The following CD86 variants were observed in gnomAD, a reference collection of about 807,000 sequenced individuals.
The protein encoded by CD86 is T-lymphocyte activation antigen CD86.
In CD86, 11 loss-of-function variants were observed where a neutral mutation model predicts 32.1. The observed-to-expected ratio is 0.34, with a 90% confidence interval of 0.22 to 0.57. The LOEUF is 0.57. CD86 is among the 20% of genes least tolerant of loss of function. The pLI is 0.86. For missense variants in CD86, 359 were observed against 398.4 expected (o/e 0.90, Z 0.84); for synonymous variants, 137 against 135.3 (o/e 1.01, Z -0.09).
intron 2 of CD86, among the ~76,000 whole-genome samples, chr3:122,101,507 AAAAAAAATATATATATATAT>A (rs1392231556): frequency 2.5e-5 from 2 of 79,790 alleles, no homozygotes; most frequent in Admixed American, 1.4e-4. Flanking sequence ...AAAAAAAAAA[AAAAAAAATATATATATATAT>A]ATATATATAT....
At chr3:122,113,483 T>C (rs1335142423) in intron 5 of CD86, among the ~76,000 whole-genome samples, 1 of 152,232 alleles carries the variant, frequency 6.6e-6, no homozygotes, top group African/African-American at 2.4e-5. Context: ...AGTGTAAACA[T>C]GTTCCCTTTT....
At chr3:122,086,106 A>T (rs1484512807) in intron 1 of CD86, among the ~76,000 whole-genome samples, 1 of 152,150 alleles carries the variant, frequency 6.6e-6, no homozygotes, top group East Asian at 1.9e-4. Context: ...TCTTCTCTTT[A>T]GTGCCAGGTG....
At chr3:122,105,421 T>C (rs2073075842) in intron 3 of CD86, among the ~76,000 whole-genome samples, 1 of 152,164 alleles carries the variant, frequency 6.6e-6, no homozygotes, top group African/African-American at 2.4e-5. Flanking sequence ...AATTATAAAT[T>C]AGTTTGTAGA....
intron 1 of CD86, among the ~76,000 whole-genome samples, chr3:122,083,345 G>A (rs1478835843): frequency 6.6e-6 from 1 of 152,110 alleles, no homozygotes; most frequent in Non-Finnish European, 1.5e-5. Flanking sequence ...CTTCAGCCTT[G>A]TCTTTCACCT....
At chr3:122,098,077 G>T (rs2072937128) in intron 2 of CD86, among the ~76,000 whole-genome samples, 1 of 152,186 alleles carries the variant, frequency 6.6e-6, no homozygotes, top group Non-Finnish European at 1.5e-5. Context: ...GTCAGATTAA[G>T]CCTCTTTAAT....
chr3:122,094,756 G>C (rs2072880136), intron 2 of CD86, among the ~76,000 whole-genome samples: 1 of 152,120 alleles, frequency 6.6e-6, no homozygotes, highest in African/African-American at 2.4e-5. Flanking sequence ...CCTCTGTCAT[G>C]GAAATTTGAC....
chr3:122,090,924 A>C (rs1312915415), intron 1 of CD86, among the ~76,000 whole-genome samples: 1 of 152,186 alleles, frequency 6.6e-6, no homozygotes, highest in Non-Finnish European at 1.5e-5. Flanking sequence ...GTTTCATCCC[A>C]ACTTACTAAG....
At chr3:122,056,569 T>A (rs554091575) in intron 1 of CD86, among the ~76,000 whole-genome samples, 1 of 152,160 alleles carries the variant, frequency 6.6e-6, no homozygotes, top group Non-Finnish European at 1.5e-5. Context: ...CTTGACCTTG[T>A]GATCTGGCCA....
intron 1 of CD86, among the ~76,000 whole-genome samples, chr3:122,070,094 T>C (rs534853855): frequency 6.6e-6 from 1 of 152,220 alleles, no homozygotes; most frequent in Non-Finnish European, 1.5e-5. Flanking sequence ...GAAGCCACCA[T>C]GTGATTTTGA....
At chr3:122,090,966 T>C (rs1323820430) in intron 1 of CD86, among the ~76,000 whole-genome samples, 1 of 152,158 alleles carries the variant, frequency 6.6e-6, no homozygotes, top group Non-Finnish European at 1.5e-5. Context: ...CCCAGGAAAC[T>C]CTCCAGGTGA....
At chr3:122,112,736 T>C (rs2073194444) in intron 5 of CD86, among the ~76,000 whole-genome samples, 1 of 152,218 alleles carries the variant, frequency 6.6e-6, no homozygotes, top group African/African-American at 2.4e-5. Flanking sequence ...TGGTGACTAT[T>C]TTGTCATGGG....
intron 1 of CD86, among the ~76,000 whole-genome samples, chr3:122,089,522 A>G (rs921422048): frequency 6.6e-6 from 1 of 152,220 alleles, no homozygotes; most frequent in Non-Finnish European, 1.5e-5. Flanking sequence ...TCTAAAACTT[A>G]TGAGATGTAA....
At chr3:122,083,688 T>C (rs566058974) in intron 1 of CD86, among the ~76,000 whole-genome samples, 182 of 152,300 alleles carry the variant, frequency 1.2e-3, no homozygotes, top group African/African-American at 4.3e-3. Context: ...GATGGGCTGA[T>C]CTGGAGATGC....
At chr3:122,117,770 G>C (rs554908552) in intron 5 of CD86, among the ~76,000 whole-genome samples, 2 of 152,268 alleles carry the variant, frequency 1.3e-5, no homozygotes, top group South Asian at 4.1e-4. Flanking sequence ...CCTCCCAATG[G>C]TATTTTTTGG....
intron 4 of CD86, among the ~76,000 whole-genome samples, chr3:122,108,190 T>C (rs1463221698): frequency 6.6e-6 from 1 of 152,234 alleles, no homozygotes; most frequent in Non-Finnish European, 1.5e-5. Context: ...TTCAGAAATG[T>C]TTCAGCTCTA....
intron 2 of CD86, among the ~76,000 whole-genome samples, chr3:122,102,841 C>T (rs1459213364): frequency 1.4e-5 from 2 of 147,042 alleles, no homozygotes; most frequent in African/African-American, 5.3e-5. Flanking sequence ...GGTTCACTAT[C>T]GAAGTCATTT....
intron 3 of CD86, 30 bp from the exon 4 acceptor site, chr3:122,106,168 G>T: frequency 6.6e-7 from 1 of 1,511,498 alleles, no homozygotes; most frequent in Non-Finnish European, 8.9e-7. Context: ...AACTTAGATT[G>T]ATTTTTTTTT....
At chr3:122,117,976 C>A in intron 5 of CD86, 72 bp from the exon 6 acceptor site, 1 of 1,292,206 alleles carries the variant, frequency 7.7e-7, no homozygotes, top group Middle Eastern at 1.8e-4. Context: ...AACTTTGAAG[C>A]CTTTTCAAAC....
At chr3:122,056,472 C>G (rs189245640) in intron 1 of CD86, among the ~76,000 whole-genome samples, 1 of 152,228 alleles carries the variant, frequency 6.6e-6, no homozygotes, top group Admixed American at 6.5e-5. Flanking sequence ...GTAGCTGGGA[C>G]TACAGGCGCC....
Sources: gnomAD v4.1 joint callset for allele counts (sites outside exome capture counted in the v4.1 genomes callset) on GRCh38, gnomAD v4.1.1 for gene constraint, MANE v1.5 for transcripts, NCBI Gene and HGNC (gene_info 2026-07-23, HGNC 2026-07-21) for gene names.